TOR1AIP2: variants seen among roughly 807,000 people sequenced by gnomAD.
TOR1AIP2 encodes the protein torsin 1A interacting protein 2.
In TOR1AIP2, 20 loss-of-function variants were observed where a neutral mutation model predicts 32.6. The observed-to-expected ratio is 0.61, with a 90% CI of 0.43 to 0.89. The LOEUF is 0.89. Among genes scored for constraint, TOR1AIP2 ranks in the 40% least tolerant of loss-of-function variants. The pLI, the probability that TOR1AIP2 is intolerant of heterozygous loss-of-function variation, is 0.00. For missense variants in TOR1AIP2, 456 were observed against 553.8 expected, an observed-to-expected ratio of 0.82 and a Z score of 1.77; for synonymous variants, 214 against 210.8, an observed-to-expected ratio of 1.02 and a Z score of -0.13.
In TOR1AIP2 at chr1:179,850,858, T is replaced by C. The variant is rs776905107; in HGVS notation, c.540A>G (p.Arg180=). 74 of 1,612,998 alleles carry C rather than the reference T, an allele frequency of 4.6e-5. No homozygotes were observed. Among genetic ancestry groups the C allele is most frequent in the Non-Finnish European group, 6.2e-5 (73 of 1,179,294 alleles). ...GGGTTCTCTTACCTGGGGCCAGCAG[T>C]CGCCTCCTCAGTGTATCCTCACCCT... is the stretch of plus-strand genomic sequence containing the variant. ...GQEGEDTLRR[R]LLAPEAGSHP... The change falls in exon 5 of 7, where the codon CGA becomes CGG. Residue 180 remains arginine, a synonymous_variant. Coordinates refer to ENST00000609928, the MANE Select transcript of TOR1AIP2 (RefSeq NM_001199260.2).
intron 2 of TOR1AIP2, among the ~76,000 whole-genome samples, chr1:179,866,205 A>C (rs753590819): frequency 2.0e-5 from 3 of 152,050 alleles, no homozygotes; most frequent in Non-Finnish European, 4.4e-5. Context: ...TATCCCCATA[A>C]TGTATGGGAT....
chr1:179,849,029 G>A (rs928637479), intron 5 of TOR1AIP2, among the ~76,000 whole-genome samples: 19 of 152,030 alleles, frequency 1.2e-4, no homozygotes, highest in African/African-American at 2.9e-4. Flanking sequence ...CCAGCTACTC[G>A]GGAGGCTGAG....
At chr1:179,846,898 C>A in intron 6 of TOR1AIP2, 70 bp from the exon 7 acceptor site, 1 of 1,483,512 alleles carries the variant, frequency 6.7e-7, no homozygotes, top group Non-Finnish European at 8.9e-7. Context: ...CTGTGGTAAA[C>A]TGAAATGAGG....
chr1:179,873,039 T>C (rs1459690720), intron 2 of TOR1AIP2, among the ~76,000 whole-genome samples: 1 of 152,216 alleles, frequency 6.6e-6, no homozygotes, highest in Non-Finnish European at 1.5e-5. Flanking sequence ...CTAGAGGCCA[T>C]ATTCAGATTT....
At chr1:179,868,544 T>C (rs1456721973) in intron 2 of TOR1AIP2, 1 of 152,220 alleles carries the variant, frequency 6.6e-6, no homozygotes, top group Non-Finnish European at 1.5e-5. Context: ...AGTTGCACTC[T>C]TAGGCACATA....
Position 179,846,767 on chromosome 1 carries a change from A to G in TOR1AIP2, c.717T>C (p.Tyr239=), listed in dbSNP as rs1278920644. The part of the protein sequence containing the change: ...AVVASSVNSY[Y]SSPAQQVPKN... Reference sequence around the variant, plus strand: ...TGGGCACTTGCTGGGCTGGAGAGGAATAGTAGCTATTCACAGAACTTGCCA... The same window carrying G: ...TGGGCACTTGCTGGGCTGGAGAGGAGTAGTAGCTATTCACAGAACTTGCCA... Residue 239 remains tyrosine (Y), a synonymous_variant, in exon 7 of 7, where the codon TAT becomes TAC. Transcript: ENST00000609928. 1 of 1,613,736 alleles carries G rather than the reference A, an allele frequency of 6.2e-7. No homozygotes were observed. Among genetic ancestry groups the G allele is most frequent in the Admixed American group, 1.7e-5 (1 of 60,026 alleles).
In TOR1AIP2 at chr1:179,842,651, T is replaced by C. The variant is rs1173943261; in HGVS notation, c.*3420A>G. The C allele has an allele frequency of 1.3e-5, 2 of 152,218 alleles. No individual in the cohort carries two copies. The highest frequency in any genetic ancestry group is 2.9e-5 in the Non-Finnish European group (2 of 68,036). 9.4% of individuals were successfully genotyped at this position (152,218 alleles called of 1,614,324 possible). A position where few individuals can be genotyped will look rare whatever the true frequency, so the allele number is the denominator to read the frequency against. ...CAACGTTTAGGTACCACATACAATA[T>C]TGTATGCCCACAAATCATTTTTCTA... is the stretch of plus-strand genomic sequence containing the variant. On this transcript the variant is annotated 3_prime_UTR_variant, in exon 7 of 7. Transcript: ENST00000609928.
chr1:179,858,432 TA>T (rs150664953), intron 3 of TOR1AIP2, among the ~76,000 whole-genome samples: 3,118 of 152,144 alleles, frequency 0.02, 128 homozygotes, highest in African/African-American at 0.071. Context: ...AAAGTTTCCT[TA>T]AAAAAATAAA....
intron 4 of TOR1AIP2, among the ~76,000 whole-genome samples, chr1:179,852,023 G>A (rs192196423): frequency 6.6e-6 from 1 of 152,348 alleles, no homozygotes; most frequent in East Asian, 1.9e-4. Flanking sequence ...GCTCATGCAT[G>A]TAATCCCAGC....
At chr1:179,847,724 G>A (rs1344897288) in intron 5 of TOR1AIP2, 88 bp from the exon 6 acceptor site, 7 of 930,394 alleles carry the variant, frequency 7.5e-6, no homozygotes, top group Non-Finnish European at 1.2e-5. Context: ...ACCAAAGAAT[G>A]ATTTGACTAA....
intron 2 of TOR1AIP2, among the ~76,000 whole-genome samples, chr1:179,872,082 A>G (rs900379351): frequency 2.6e-5 from 4 of 152,220 alleles, no homozygotes; most frequent in Non-Finnish European, 4.4e-5. Flanking sequence ...GCCAAATAAA[A>G]AATATTACCC....
intron 2 of TOR1AIP2, chr1:179,873,603 G>A (rs1220136784): frequency 6.6e-6 from 1 of 152,124 alleles, no homozygotes; most frequent in African/African-American, 2.4e-5. Context: ...TTGAGACTAT[G>A]TAAATATTCT....
Position 179,877,725 on chromosome 1 carries a change from T to C in TOR1AIP2, c.-733A>G, listed in dbSNP as rs1248058353. The C allele has an allele frequency of 2.0e-5, 3 of 152,196 alleles. No homozygotes were observed. Among genetic ancestry groups the C allele is most frequent in the Non-Finnish European group, 2.9e-5 (2 of 68,030 alleles). 9.4% of individuals were successfully genotyped at this position (152,196 alleles called of 1,614,324 possible). On this transcript the variant is annotated 5_prime_UTR_variant, in exon 1 of 7. Transcript: ENST00000609928. ...GGCGAAGTTTTAAATCGTAAAACTG[T>C]TAGTATCAGGAGAGCCCTTCGAGTA...
At chr1:179,863,763 A>G in intron 3 of TOR1AIP2, 4 of 985,276 alleles carry the variant, frequency 4.1e-6, no homozygotes, top group Middle Eastern at 5.2e-4. Flanking sequence ...ATATTGCTAA[A>G]AGCACTAGAT....
At position 179,844,545 on chromosome 1, in the gene TOR1AIP2, T is replaced by C. The variant is rs1254333621; in HGVS notation, c.*1526A>G. ...CTTTGTTAGGTCGAGATCATTTTAC[T>C]AGAGTTCTGCTTTCAGAGCTCAAAT... On this transcript the variant is annotated 3_prime_UTR_variant, in exon 7 of 7. Transcript: ENST00000609928. 1.3e-5 allele frequency: 2 copies of C among 152,024 alleles called. No homozygotes were observed. The highest frequency in any genetic ancestry group is 6.5e-5 in the Admixed American group (1 of 15,272). 9.4% of individuals were successfully genotyped at this position (152,024 alleles called of 1,614,324 possible). A position where few individuals can be genotyped will look rare whatever the true frequency, so the allele number is the denominator to read the frequency against.
chr1:179,843,510 CAAAAA>C lies in TOR1AIP2; in HGVS notation c.*2556_*2560del, dbSNP rs1171986747. 5 of 71,888 alleles carry C rather than the reference CAAAAA, an allele frequency of 7.0e-5. No homozygotes were observed. The highest frequency in any genetic ancestry group is 1.7e-4 in the Admixed American group (1 of 5,762). 4.5% of individuals were successfully genotyped at this position (71,888 alleles called of 1,614,324 possible). ...TGGGTGACAGAGCAAGACCTTCTCT[CAAAAA>C]AAAAAAAAAAAAAAAAAGAAGTTTG... On this transcript the variant is annotated 3_prime_UTR_variant, in exon 7 of 7. Coordinates refer to ENST00000609928, the MANE Select transcript of TOR1AIP2 (RefSeq NM_001199260.2).
At chr1:179,876,725 G>A (rs1276748618) in intron 2 of TOR1AIP2, among the ~76,000 whole-genome samples, 2 of 151,906 alleles carry the variant, frequency 1.3e-5, no homozygotes, top group African/African-American at 4.8e-5. Context: ...AAAATAAAAT[G>A]TGTTAAAACC....
At position 179,843,022 on chromosome 1, in the gene TOR1AIP2, C is replaced by G. The variant is rs1413307862; in HGVS notation, c.*3049G>C. The G allele has an allele frequency of 7.4e-6, 1 of 134,328 alleles. No individual in the cohort carries two copies. The highest frequency in any genetic ancestry group is 8.2e-5 in the Admixed American group (1 of 12,220). 8.3% of individuals were successfully genotyped at this position (134,328 alleles called of 1,614,324 possible). ...CAAGATTGCACCACTGCACTCCAGC[C>G]TGGGCAACAGAGCAAGACTCCATCT... On this transcript the variant is annotated 3_prime_UTR_variant, in exon 7 of 7. Coordinates refer to ENST00000609928, the MANE Select transcript of TOR1AIP2 (RefSeq NM_001199260.2).
At position 179,840,889 on chromosome 1, in the gene TOR1AIP2, T is replaced by TATAGTAATAATA. The variant is rs1553233706; in HGVS notation, c.*5181_*5182insTATTATTACTAT. On this transcript the variant is annotated 3_prime_UTR_variant, in exon 7 of 7. Transcript: ENST00000609928. ...TCCACATGTATCCCAGAACTTAAAC[T>TATAGTAATAATA]ATAATAATAATAATAATAATAATAA... 2.0e-5 allele frequency: 3 copies of TATAGTAATAATA among 146,746 alleles called. No individual in the cohort carries two copies. Among genetic ancestry groups the TATAGTAATAATA allele is most frequent in the Non-Finnish European group, 4.5e-5 (3 of 67,126 alleles). The allele number at this position is 146,746 out of a possible 1,614,324, so 9.1% of individuals were successfully genotyped here.
Sources: allele counts gnomAD v4.1 joint callset (sites outside exome capture counted in the v4.1 genomes callset), GRCh38; gene constraint gnomAD v4.1.1; transcripts MANE v1.5; gene names NCBI Gene and HGNC (gene_info 2026-07-23, HGNC 2026-07-21).